Variants in XYLT1 observed in about 807,000 individuals in gnomAD.
XYLT1 encodes the protein beta-D-xylosyltransferase 1.
A neutral mutation model predicts 91.3 loss-of-function variants in XYLT1; 36 were observed. The ratio of observed to expected loss-of-function variants is 0.39; its 90% CI spans 0.30 to 0.52. The LOEUF (loss-of-function observed/expected upper bound fraction) is 0.52, where lower values mean the gene tolerates loss of function less well. Among genes scored for constraint, XYLT1 ranks in the 20% least tolerant of loss-of-function variants. The pLI, the probability that XYLT1 is intolerant of heterozygous loss-of-function variation, is 0.68. For synonymous variants in XYLT1, 588 were observed against 532.0 expected, an observed-to-expected ratio of 1.11 and a Z score of -1.45; for missense variants, 1,242 against 1,284.5, an observed-to-expected ratio of 0.97 and a Z score of 0.51.
At chr16:17,246,902 C>A (rs759628977) in intron 3 of XYLT1, among the ~76,000 whole-genome samples, 2 of 152,096 alleles carry the variant, frequency 1.3e-5, no homozygotes, top group Non-Finnish European at 2.9e-5. Context: ...GTGACATGTA[C>A]CCCAGCAGGG....
intron 1 of XYLT1, among the ~76,000 whole-genome samples, chr16:17,420,932 G>A (rs2036243302): frequency 6.6e-6 from 1 of 152,134 alleles, no homozygotes; most frequent in African/African-American, 2.4e-5. Context: ...AGATGAGTTG[G>A]TCCAAGCTAG....
chr16:17,134,655 G>A lies in XYLT1; in HGVS notation c.1845C>T (p.Tyr615=). The change falls in exon 9 of 12, where the codon TAC becomes TAT. Residue 615 remains tyrosine (Y), a synonymous_variant. Coordinates refer to ENST00000261381, the MANE Select transcript of XYLT1 (RefSeq NM_022166.4). ...TACCTGCAGGGTAGTTCCCGTACAGGTAATAGTCCAGCTGCCCAATGATTT... is the reference window on the plus strand; with the variant it reads ...TACCTGCAGGGTAGTTCCCGTACAGATAATAGTCCAGCTGCCCAATGATTT... ...NQEIIGQLDY[Y]LYGNYPAGTP... 1.2e-6 allele frequency: 2 copies of A among 1,614,208 alleles called. No homozygotes were observed. Among genetic ancestry groups the A allele is most frequent in the South Asian group, 1.1e-5 (1 of 91,084 alleles).
intron 5 of XYLT1, among the ~76,000 whole-genome samples, chr16:17,190,247 T>C (rs2141578455): frequency 6.6e-6 from 1 of 152,308 alleles, no homozygotes; most frequent in Middle Eastern, 3.4e-3. Context: ...CTGAATGCCA[T>C]TCAACAATTC....
At chr16:17,213,799 T>C (rs983822165) in intron 3 of XYLT1, among the ~76,000 whole-genome samples, 1 of 152,140 alleles carries the variant, frequency 6.6e-6, no homozygotes, top group East Asian at 1.9e-4. Context: ...TTTGTATTTT[T>C]AGTAGAGACA....
At chr16:17,216,893 T>C (rs2032871026) in intron 3 of XYLT1, among the ~76,000 whole-genome samples, 1 of 152,128 alleles carries the variant, frequency 6.6e-6, no homozygotes, top group African/African-American at 2.4e-5. Flanking sequence ...GCTAATGAAA[T>C]CTCCGGTTGA....
rs550645810 is a variant in XYLT1 at position 17,103,907 on chromosome 16, C to CACAAAACAAAACAAA, written c.*4773_*4787dup. ...TACAGTATCTTGTTTGCAAGGTAAA[C>CACAAAACAAAACAAA]ACAAAACAAAACAAAACAAAACAAA... On this transcript the variant is annotated 3_prime_UTR_variant, in exon 12 of 12. Transcript: ENST00000261381. The CACAAAACAAAACAAA allele has an allele frequency of 1.3e-5, 2 of 152,468 alleles. No individual in the cohort carries two copies. Among genetic ancestry groups the CACAAAACAAAACAAA allele is most frequent in the African/African-American group, 4.8e-5 (2 of 41,338 alleles). 9.4% of individuals were successfully genotyped at this position (152,468 alleles called of 1,614,324 possible).
At chr16:17,172,279 T>C (rs1029079538) in intron 5 of XYLT1, among the ~76,000 whole-genome samples, 7 of 151,992 alleles carry the variant, frequency 4.6e-5, no homozygotes, top group Admixed American at 3.3e-4. Flanking sequence ...TCTTCCTGCA[T>C]CCTGCCTACT....
chr16:17,389,181 A>G lies in XYLT1; in HGVS notation c.364-31131T>C, dbSNP rs189839167. 2.0e-3 allele frequency among the ~76,000 whole-genome samples: 308 copies of G among 152,366 alleles called. 1 individual carries two copies. The highest frequency in any genetic ancestry group is 7.0e-3 in the African/African-American group (291 of 41,590). ...GTAAAATTCAGCATTGTTGATCCCCAAGAAAGTGGCTGTGTAGATTCAATG... is the reference window on the plus strand; with the variant it reads ...GTAAAATTCAGCATTGTTGATCCCCGAGAAAGTGGCTGTGTAGATTCAATG... On this transcript the variant is annotated intron_variant, in intron 1 of 11. Transcript: ENST00000261381.
Position 17,108,885 on chromosome 16 carries a change from G to A in XYLT1, c.2690C>T (p.Ser897Phe), listed in dbSNP as rs776112557. 9 of 1,611,760 alleles carry A rather than the reference G, an allele frequency of 5.6e-6. No homozygotes were observed. In the East Asian group the frequency reaches 1.3e-4, roughly 24 times the overall value. ...QVEQARRNAA[S>F]TGTALEGWLD... ...CCATCCCTCCAGCGCTGTGCCCGTG[G>A]AGGCTGCGTTCCTCCGTGCCTGTTC... is the stretch of plus-strand genomic sequence containing the variant. Residue 897 changes from serine (S) to phenylalanine (F), a missense_variant, in exon 12 of 12, where the codon TCC becomes TTC. Ser to Phe is a radical substitution (Grantham distance 155). This residue lies in a region of XYLT1 where 511 missense variants were observed against 497.0 expected (regional missense o/e 1.03). Coordinates refer to ENST00000261381, the MANE Select transcript of XYLT1 (RefSeq NM_022166.4).
intron 1 of XYLT1, among the ~76,000 whole-genome samples, chr16:17,363,800 T>A (rs778620531): frequency 6.6e-6 from 1 of 152,178 alleles, no homozygotes; most frequent in Non-Finnish European, 1.5e-5. Context: ...TGCTTCAGCC[T>A]CCCAAAGTGC....
intron 2 of XYLT1, among the ~76,000 whole-genome samples, chr16:17,293,491 CTTTTT>C (rs548581536): frequency 2.4e-4 from 28 of 119,112 alleles, no homozygotes; most frequent in Non-Finnish European, 4.5e-4. Context: ...TTTCTCCCTC[CTTTTT>C]TTTTTTTTTT....
chr16:17,102,777 TCAA>T lies in XYLT1; in HGVS notation c.*5915_*5917del, dbSNP rs1451880562. 6.6e-5 allele frequency: 10 copies of T among 152,468 alleles called. No homozygotes were observed. The highest frequency in any genetic ancestry group is 2.2e-4 in the African/African-American group (9 of 41,362). 9.4% of individuals were successfully genotyped at this position (152,468 alleles called of 1,614,324 possible). ...CTTTATTTACAGATTTTTTTTAAAA[TCAA>T]CACATTACAAAATATTTCTGTACAG... On this transcript the variant is annotated 3_prime_UTR_variant, in exon 12 of 12. Coordinates refer to ENST00000261381, the MANE Select transcript of XYLT1 (RefSeq NM_022166.4).
chr16:17,240,969 G>T (rs1028213120), intron 3 of XYLT1, among the ~76,000 whole-genome samples: 3 of 152,180 alleles, frequency 2.0e-5, no homozygotes, highest in African/African-American at 7.2e-5. Context: ...ATCTGGACAG[G>T]ACCATTTCCA....
intron 5 of XYLT1, chr16:17,194,298 G>T (rs2032380932): frequency 6.6e-6 from 1 of 152,240 alleles, no homozygotes; most frequent in Non-Finnish European, 1.5e-5. Context: ...TTTGACGAGA[G>T]TGCAGGCACT....
intron 1 of XYLT1, among the ~76,000 whole-genome samples, chr16:17,451,695 C>T (rs757178088): frequency 7.2e-5 from 11 of 152,176 alleles, no homozygotes; most frequent in Admixed American, 7.2e-4. Context: ...CCAACAAGGT[C>T]GGCTTCCCAT....
At chr16:17,224,588 A>G (rs1208164926) in intron 3 of XYLT1, among the ~76,000 whole-genome samples, 2 of 152,178 alleles carry the variant, frequency 1.3e-5, no homozygotes, top group African/African-American at 4.8e-5. Flanking sequence ...TGGCTCTGTC[A>G]CTTATTTGAT....
chr16:17,224,959 G>A (rs981610119), intron 3 of XYLT1, among the ~76,000 whole-genome samples: 1 of 152,134 alleles, frequency 6.6e-6, no homozygotes. Context: ...CAAAACAAAT[G>A]AGTGTGGCTG....
chr16:17,207,052 C>CTTTT lies in XYLT1; in HGVS notation c.914-6402_914-6399dup, dbSNP rs1211378641. Among the ~76,000 whole-genome samples, 728 of 120,902 alleles carry CTTTT rather than the reference C, an allele frequency of 6.0e-3. 3 individuals are homozygous for CTTTT. Among genetic ancestry groups the CTTTT allele is most frequent in the Non-Finnish European group, 9.4e-3 (541 of 57,286 alleles). 79.3% of individuals were successfully genotyped at this position (120,902 alleles called of 152,430 possible). A position where few individuals can be genotyped will look rare whatever the true frequency, so the allele number is the denominator to read the frequency against. On this transcript the variant is annotated intron_variant, in intron 3 of 11. Transcript: ENST00000261381. ...GAGTCAGGTTGGTTTTCTTTTCTTT[C>CTTTT]TTTTTTTTTTTTTTTTTTTTTTGAG...
chr16:17,352,204 G>A (rs2035232312), intron 2 of XYLT1, among the ~76,000 whole-genome samples: 1 of 152,142 alleles, frequency 6.6e-6, no homozygotes, highest in African/African-American at 2.4e-5. Context: ...GAGAACTACT[G>A]GTTTATACTT....
Sources: gnomAD v4.1 joint callset for allele counts (sites outside exome capture counted in the v4.1 genomes callset) on GRCh38, gnomAD v4.1.1 for gene constraint, gnomAD v4.1.1 regional missense constraint, MANE v1.5 for transcripts, NCBI Gene and HGNC (gene_info 2026-07-23, HGNC 2026-07-21) for gene names.